The following BBS7 variants were observed in gnomAD, a reference collection of about 807,000 sequenced individuals.
BBS7 encodes the protein Bardet-Biedl syndrome 7, also known as BBSome complex member BBS7.
Under a neutral mutation model 90.3 loss-of-function variants are expected in BBS7, and 50 were observed. That is an observed-to-expected ratio of 0.55 (90% CI 0.44 to 0.70). The LOEUF is 0.70. Ranked by LOEUF, BBS7 falls within the 30% of genes least tolerant of loss-of-function variation. The pLI, the probability that BBS7 is intolerant of heterozygous loss-of-function variation, is 0.00. For synonymous variants in BBS7, 235 were observed against 287.4 expected, an observed-to-expected ratio of 0.82 and a Z score of 1.85; for missense variants, 729 against 838.9, an observed-to-expected ratio of 0.87 and a Z score of 1.62.
At chr4:121,870,257 C>G in intron 1 of BBS7, 21 bp downstream of exon 1, 1 of 1,614,098 alleles carries the variant, frequency 6.2e-7, no homozygotes, top group Middle Eastern at 1.6e-4. Flanking sequence ...GCGCGGCGCC[C>G]GCCCTATCCC....
intron 6 of BBS7, among the ~76,000 whole-genome samples, chr4:121,855,188 G>A (rs1190647090): frequency 9.9e-5 from 15 of 151,842 alleles, no homozygotes; most frequent in East Asian, 7.7e-4. Context: ...GGTGGTGTGC[G>A]CCTGTAGTAC....
At chr4:121,849,143 C>G (rs1726173016) in intron 8 of BBS7, among the ~76,000 whole-genome samples, 1 of 152,166 alleles carries the variant, frequency 6.6e-6, no homozygotes, top group African/African-American at 2.4e-5. Flanking sequence ...TCAAAACGAC[C>G]CTAGTATATT....
Position 121,828,285 on chromosome 4 carries a change from A to C in BBS7, c.1891-16T>G, listed in dbSNP as rs374280992. The C allele has an allele frequency of 3.7e-6, 6 of 1,608,628 alleles. No homozygotes were observed. Among genetic ancestry groups the C allele is most frequent in the Admixed American group, 1.7e-5 (1 of 59,962 alleles). ...TCTGTAATTCCTATTTAAAATGAAA[A>C]ACAGAAGCACCTTAATATTCAAAAT... On this transcript the variant is annotated splice_polypyrimidine_tract_variant and intron_variant, in intron 17 of 18. Coordinates refer to ENST00000264499, the MANE Select transcript of BBS7 (RefSeq NM_176824.3).
chr4:121,855,886 G>GCACA lies in BBS7; in HGVS notation c.529-326_529-325insTGTG, dbSNP rs1560661356. On this transcript the variant is annotated intron_variant, in intron 5 of 18. Transcript: ENST00000264499. ...TGTATATATGTATATGTACATATAT[G>GCACA]TACATACATGTATGTGTATATATGT... Among the ~76,000 whole-genome samples, 166 of 142,724 alleles carry GCACA rather than the reference G, an allele frequency of 1.2e-3. 1 individual carries two copies. The highest frequency in any genetic ancestry group is 4.4e-3 in the African/African-American group (158 of 35,698). The allele number at this position is 142,724 out of a possible 152,430, so 93.6% of individuals were successfully genotyped here.
intron 1 of BBS7, among the ~76,000 whole-genome samples, chr4:121,868,452 G>A (rs1241916138): frequency 2.0e-5 from 3 of 152,098 alleles, no homozygotes; most frequent in African/African-American, 7.2e-5. Flanking sequence ...GGAGGCTGAA[G>A]TGGGAGGATC....
intron 7 of BBS7, among the ~76,000 whole-genome samples, chr4:121,853,647 A>G (rs530233429): frequency 2.0e-5 from 3 of 152,104 alleles, no homozygotes; most frequent in Non-Finnish European, 4.4e-5. Flanking sequence ...AGACTAGAAT[A>G]AATTATAATA....
In BBS7 at chr4:121,858,843, AAATT is replaced by A. The variant is rs200120571; in HGVS notation, c.528+145_528+148del. 1.9e-3 allele frequency: 1,463 copies of A among 770,644 alleles called. 14 individuals carry two copies. The African/African-American group carries it at 0.023, about 12-fold the overall frequency. 47.7% of individuals were successfully genotyped at this position (770,644 alleles called of 1,614,324 possible). The stretch of plus-strand genomic sequence containing the variant: ...ACAACACATTTGACTCAAGTTAAAA[AAATT>A]AATATGTCAAATTATTTAAAAATTG... On this transcript the variant is annotated intron_variant, in intron 5 of 18. Transcript: ENST00000264499.
intron 2 of BBS7, among the ~76,000 whole-genome samples, chr4:121,865,609 A>T (rs1258680755): frequency 6.6e-6 from 1 of 152,172 alleles, no homozygotes; most frequent in Non-Finnish European, 1.5e-5. Flanking sequence ...TTATACATTC[A>T]TCTGTTGTTA....
intron 8 of BBS7, among the ~76,000 whole-genome samples, chr4:121,849,580 G>A (rs942192207): frequency 3.6e-5 from 5 of 138,778 alleles, no homozygotes; most frequent in African/African-American, 5.0e-5. Context: ...TGTAATCCCA[G>A]CACTTTGGGA....
At chr4:121,856,906 T>A (rs963443618) in intron 5 of BBS7, among the ~76,000 whole-genome samples, 5 of 151,792 alleles carry the variant, frequency 3.3e-5, no homozygotes, top group Admixed American at 3.3e-4. Context: ...AGTAGCTGGA[T>A]TACAGGTGCA....
intron 4 of BBS7, among the ~76,000 whole-genome samples, chr4:121,860,457 G>A (rs1451843731): frequency 6.6e-6 from 1 of 151,976 alleles, no homozygotes; most frequent in Admixed American, 6.6e-5. Context: ...ATTGAGTAAA[G>A]AACTTTTCTA....
At chr4:121,868,647 C>G (rs1727411346) in intron 1 of BBS7, among the ~76,000 whole-genome samples, 1 of 120,354 alleles carries the variant, frequency 8.3e-6, no homozygotes, top group Non-Finnish European at 1.6e-5. Flanking sequence ...TGCCACTGTA[C>G]TCCAGACTGG....
Position 121,826,985 on chromosome 4 carries a change from AAAAC to A in BBS7, c.2015-996_2015-993del, listed in dbSNP as rs535130242. On this transcript the variant is annotated intron_variant, in intron 18 of 18. Coordinates refer to ENST00000264499, the MANE Select transcript of BBS7 (RefSeq NM_176824.3). ...GAGACCAAGCGAGACTCTGTCTCAAAAAACAAACAAACAAACAAACAAAAAATAT... is the reference window on the plus strand; with the variant it reads ...GAGACCAAGCGAGACTCTGTCTCAAAAAACAAACAAACAAACAAAAAATAT... 4.5e-4 allele frequency among the ~76,000 whole-genome samples: 68 copies of A among 152,330 alleles called. 1 individual carries two copies. Among genetic ancestry groups the A allele is most frequent in the Admixed American group, 3.3e-3 (50 of 15,302 alleles).
At chr4:121,856,315 G>A (rs1560661849) in intron 5 of BBS7, among the ~76,000 whole-genome samples, 1 of 152,142 alleles carries the variant, frequency 6.6e-6, no homozygotes. Flanking sequence ...TTTGCTACTT[G>A]TAATGCTTGT....
At chr4:121,863,500 C>T (rs1283289923) in intron 2 of BBS7, among the ~76,000 whole-genome samples, 1 of 151,922 alleles carries the variant, frequency 6.6e-6, no homozygotes, top group Non-Finnish European at 1.5e-5. Context: ...AGATTTTGTT[C>T]CTATAATGTT....
intron 3 of BBS7, among the ~76,000 whole-genome samples, chr4:121,862,718 A>T (rs1249488438): frequency 6.6e-6 from 1 of 152,218 alleles, no homozygotes; most frequent in African/African-American, 2.4e-5. Context: ...ACCACAGAGC[A>T]AGAAATTGCA....
intron 18 of BBS7, among the ~76,000 whole-genome samples, chr4:121,826,769 G>T (rs1444446614): frequency 6.6e-6 from 1 of 152,146 alleles, no homozygotes; most frequent in Non-Finnish European, 1.5e-5. Context: ...AGATCACGAA[G>T]TCAGGGGTTG....
rs760863058 is a variant in BBS7 at position 121,861,543 on chromosome 4, A to G, written c.302T>C (p.Leu101Pro). The G allele has an allele frequency of 6.2e-7, 1 of 1,613,810 alleles. No individual in the cohort carries two copies. Among genetic ancestry groups the G allele is most frequent in the East Asian group, 2.2e-5 (1 of 44,860 alleles). ...RGFTKRGKQF[L>P]SFETNLTESI... The stretch of plus-strand genomic sequence containing the variant: ...TTCAGTGAGGTTTGTTTCAAAGGAG[A>G]GGAACTGTTTTCCTCTTTTTGTGAA... The change falls in exon 4 of 19, where the codon CTC becomes CCC. Residue 101 changes from leucine (L) to proline (P), a missense_variant. Leu to Pro is a moderately conservative substitution (Grantham distance 98, BLOSUM62 -3). Coordinates refer to ENST00000264499, the MANE Select transcript of BBS7 (RefSeq NM_176824.3).
intron 7 of BBS7, 104 bp from the exon 8 acceptor site, chr4:121,853,190 G>T: frequency 7.7e-7 from 1 of 1,292,484 alleles, no homozygotes. Context: ...TCAGAATGGT[G>T]AGCAAAAAAA....
Sources: allele counts gnomAD v4.1 joint callset (sites outside exome capture counted in the v4.1 genomes callset), GRCh38; gene constraint gnomAD v4.1.1; transcripts MANE v1.5; gene names NCBI Gene and HGNC (gene_info 2026-07-23, HGNC 2026-07-21).